Variants in CRLF2 observed in about 807,000 individuals in gnomAD.
The protein encoded by CRLF2 is cytokine receptor-like factor 2.
In CRLF2, 41 loss-of-function variants were observed where a neutral mutation model predicts 38.7. The observed-to-expected ratio is 1.06, with a 90% confidence interval of 0.83 to 1.37. CRLF2 has a LOEUF of 1.37. Among genes scored for constraint, CRLF2 ranks in the 40% most tolerant of loss-of-function variants. The pLI is 0.00. For synonymous variants in CRLF2, 140 were observed against 128.8 expected, an observed-to-expected ratio of 1.09 and a Z score of -0.59; for missense variants, 377 against 322.2, an observed-to-expected ratio of 1.17 and a Z score of -1.30.
At chrX:1,208,702 T>C (rs2086734096) in intron 2 of CRLF2, 104 bp downstream of exon 2, 3 of 779,262 alleles carry the variant, frequency 3.8e-6, no homozygotes, top group Non-Finnish European at 6.9e-6. Flanking sequence ...TTGCACAGTC[T>C]GATGCTTTAC....
At chrX:1,200,267 A>G (rs1474147872) in intron 4 of CRLF2, among the ~76,000 whole-genome samples, 2 of 151,490 alleles carry the variant, frequency 1.3e-5, no homozygotes, top group African/African-American at 4.9e-5. Context: ...CTGTGTATAT[A>G]AGGTGCATAT....
chrX:1,192,013 G>C (rs1330088000), intron 7 of CRLF2, among the ~76,000 whole-genome samples: 1 of 145,302 alleles, frequency 6.9e-6, no homozygotes, highest in African/African-American at 2.5e-5. Context: ...AGACCATCCC[G>C]ACTAACATGG....
At chrX:1,209,018 A>G in intron 1 of CRLF2, 110 bp from the exon 2 acceptor site, 2 of 680,882 alleles carry the variant, frequency 2.9e-6, no homozygotes, top group Non-Finnish European at 5.0e-6. Context: ...CCCAGGCTGG[A>G]GTACAATGGC....
intron 3 of CRLF2, 37 bp downstream of exon 3, chrX:1,206,396 A>C: frequency 6.3e-7 from 1 of 1,589,268 alleles, no homozygotes; most frequent in Non-Finnish European, 8.6e-7. Flanking sequence ...TGAAGGAAGT[A>C]CTGAAAAGCA....
intron 1 of CRLF2, among the ~76,000 whole-genome samples, chrX:1,212,161 T>G (rs1341295802): frequency 5.3e-5 from 8 of 151,678 alleles, no homozygotes; most frequent in Non-Finnish European, 8.8e-5. Context: ...GGATAGTGGA[T>G]GGATGGGTGA....
intron 2 of CRLF2, 43 bp from the exon 3 acceptor site, chrX:1,206,642 G>C: frequency 6.3e-7 from 1 of 1,593,876 alleles, no homozygotes; most frequent in Non-Finnish European, 8.6e-7. Context: ...AAACAAAAAA[G>C]CATGTCTTAT....
At chrX:1,210,109 AAAAAAAGAAAAGAAAAGAAAAG>A (rs1569473628) in intron 1 of CRLF2, among the ~76,000 whole-genome samples, 1 of 90,198 alleles carries the variant, frequency 1.1e-5, no homozygotes, top group Non-Finnish European at 2.1e-5. Flanking sequence ...CTATCAAAAA[AAAAAAAGAAAAGAAAAGAAAAG>A]AAAAGAAAAG....
At chrX:1,204,087 C>T (rs1409997886) in intron 3 of CRLF2, among the ~76,000 whole-genome samples, 1 of 15,384 alleles carries the variant, frequency 6.5e-5, no homozygotes, top group African/African-American at 1.2e-4. Flanking sequence ...GACCCTCTCT[C>T]TCAAAAAAAA....
intron 4 of CRLF2, 102 bp from the exon 5 acceptor site, chrX:1,198,826 G>A: frequency 8.4e-7 from 1 of 1,189,022 alleles, no homozygotes; most frequent in South Asian, 1.4e-5. Flanking sequence ...TTTCCTTCCG[G>A]AGGGTTCACA....
intron 4 of CRLF2, among the ~76,000 whole-genome samples, chrX:1,201,263 A>C (rs188927143): frequency 2.5e-4 from 35 of 142,020 alleles, no homozygotes; most frequent in African/African-American, 9.2e-4. Context: ...GCAGCACATG[A>C]CTGTGTGTGT....
chrX:1,212,627 C>A lies in CRLF2; in HGVS notation c.8G>T (p.Arg3Leu). 6.2e-7 allele frequency: 1 copy of A among 1,611,798 alleles called. No individual in the cohort carries two copies. MGRLVLLWGAAVF... is the reference protein window; with the variant it reads MGLLVLLWGAAVF... Reference sequence around the variant, plus strand: ...GGCAGCTCCCCACAGCAGAACCAGCCGCCCCATGCCTGAAACAGGAGTGGA... The same window carrying A: ...GGCAGCTCCCCACAGCAGAACCAGCAGCCCCATGCCTGAAACAGGAGTGGA... Residue 3 changes from arginine (R) to leucine (L), a missense_variant, in exon 1 of 8, where the codon CGG becomes CTG. Arg to Leu is a moderately radical substitution (Grantham distance 102). Coordinates refer to ENST00000400841, the MANE Select transcript of CRLF2 (RefSeq NM_022148.4).
chrX:1,196,871 T>C lies in CRLF2; in HGVS notation c.676A>G (p.Lys226Glu). Residue 226 changes from lysine (K) to glutamate (E), a missense_variant, in exon 6 of 8, where the codon AAA becomes GAA. Physicochemically the swap from Lys to Glu is moderately conservative, Grantham distance 56. Transcript: ENST00000400841. ...DACAETPTPP[K>E]PKLSKFILIS... ...AAAATAAATTTGGACAGCTTTGGTTTGGGAGGCGTTGGTGTCTCTGCACAG... is the reference window on the plus strand; with the variant it reads ...AAAATAAATTTGGACAGCTTTGGTTCGGGAGGCGTTGGTGTCTCTGCACAG... The C allele has an allele frequency of 6.2e-7, 1 of 1,613,570 alleles. No homozygotes were observed. The highest frequency in any genetic ancestry group is 8.5e-7 in the Non-Finnish European group (1 of 1,179,678).
At chrX:1,201,780 T>C (rs1421730356) in intron 4 of CRLF2, among the ~76,000 whole-genome samples, 1 of 149,336 alleles carries the variant, frequency 6.7e-6, no homozygotes, top group Non-Finnish European at 1.5e-5. Context: ...AGATAGTAGA[T>C]GGTAGAATAG....
In CRLF2 at chrX:1,190,649, A is replaced by T; in HGVS notation, c.*248T>A. On this transcript the variant is annotated 3_prime_UTR_variant, in exon 8 of 8. Coordinates refer to ENST00000400841, the MANE Select transcript of CRLF2 (RefSeq NM_022148.4). ...CGTTCAGGCACGAAAAGGAACTGGG[A>T]GTAAATCTCCTGGAGCAATTGGCTC... The T allele has an allele frequency of 2.5e-6, 1 of 395,388 alleles. No homozygotes were observed. Among genetic ancestry groups the T allele is most frequent in the Non-Finnish European group, 4.5e-6 (1 of 224,508 alleles). 24.5% of individuals were successfully genotyped at this position (395,388 alleles called of 1,614,324 possible).
At chrX:1,203,142 A>C (rs1234956382) in intron 3 of CRLF2, among the ~76,000 whole-genome samples, 1 of 145,582 alleles carries the variant, frequency 6.9e-6, no homozygotes, top group Non-Finnish European at 1.5e-5. Context: ...AGATTCAGTT[A>C]GTTAGGATCA....
rs760690881 is a variant in CRLF2, at chrX:1,208,783, T to G, written c.182+23A>C. ...GATTTTGAGCCCCCTGGGCGTGGGG[T>G]TCGCTTTCTGGGGGCCACTTACCTG... On this transcript the variant is annotated intron_variant, in intron 2 of 7. Coordinates refer to ENST00000400841, the MANE Select transcript of CRLF2 (RefSeq NM_022148.4). 9.1e-6 allele frequency: 13 copies of G among 1,432,694 alleles called. 1 individual carries two copies. In the South Asian group the frequency reaches 1.5e-4, roughly 16 times the overall value. 88.7% of individuals were successfully genotyped at this position (1,432,694 alleles called of 1,614,324 possible).
intron 3 of CRLF2, among the ~76,000 whole-genome samples, chrX:1,205,747 G>T (rs1335484980): frequency 6.6e-6 from 1 of 151,870 alleles, no homozygotes; most frequent in Non-Finnish European, 1.5e-5. Flanking sequence ...CAGTACTTAT[G>T]GTAATAAGCT....
intron 5 of CRLF2, 29 bp from the exon 6 acceptor site, chrX:1,196,929 G>C: frequency 6.2e-7 from 1 of 1,608,650 alleles, no homozygotes; most frequent in Non-Finnish European, 8.5e-7. Context: ...GCGGCTGTCA[G>C]TTTTCAACAT....
rs769237027 is a variant in CRLF2, at chrX:1,208,758, G to C, written c.182+48C>G. 13 of 1,123,750 alleles carry C rather than the reference G, an allele frequency of 1.2e-5. No homozygotes were observed. The South Asian group carries it at 1.5e-4, about 13-fold the overall frequency. 69.6% of individuals were successfully genotyped at this position (1,123,750 alleles called of 1,614,324 possible). A position where few individuals can be genotyped will look rare whatever the true frequency, so the allele number is the denominator to read the frequency against. On this transcript the variant is annotated intron_variant, in intron 2 of 7. Coordinates refer to ENST00000400841, the MANE Select transcript of CRLF2 (RefSeq NM_022148.4). ...CCAATCGCTGACGGCTCAGAAGAGC[G>C]ATTTTGAGCCCCCTGGGCGTGGGGT...
Sources: gnomAD v4.1 joint callset for allele counts (sites outside exome capture counted in the v4.1 genomes callset) on GRCh38, gnomAD v4.1.1 for gene constraint, MANE v1.5 for transcripts, NCBI Gene and HGNC (gene_info 2026-07-23, HGNC 2026-07-21) for gene names.